Variants in GRM3 observed in about 807,000 individuals in gnomAD.
GRM3 encodes the protein metabotropic glutamate receptor 3.
GRM3 carries 26 observed loss-of-function variants against 70.5 expected under a neutral mutation model. That is an observed-to-expected ratio of 0.37 (90% CI 0.27 to 0.51). The LOEUF is 0.51. Among genes scored for constraint, GRM3 ranks in the 20% least tolerant of loss-of-function variants. The probability of loss-of-function intolerance (pLI) is 0.93; values close to 1 mark genes in which losing one functional copy is unlikely to be tolerated. For missense variants in GRM3, 859 were observed against 1,123.8 expected (o/e 0.76, Z 3.37); for synonymous variants, 443 against 434.9 (o/e 1.02, Z -0.23).
At chr7:86,803,716 G>GC (rs35092227) in intron 3 of GRM3, among the ~76,000 whole-genome samples, 1 of 152,120 alleles carries the variant, frequency 6.6e-6, no homozygotes, top group African/African-American at 2.4e-5. Context: ...TGCAGGCACA[G>GC]CCCTTTTTTC....
At chr7:86,750,666 G>A (rs920246713) in intron 1 of GRM3, among the ~76,000 whole-genome samples, 2 of 151,498 alleles carry the variant, frequency 1.3e-5, no homozygotes, top group African/African-American at 2.4e-5. Flanking sequence ...CAAGTTTAGA[G>A]CAATATCTTA....
At chr7:86,703,436 C>T (rs1268135521) in intron 1 of GRM3, among the ~76,000 whole-genome samples, 1 of 151,906 alleles carries the variant, frequency 6.6e-6, no homozygotes, top group East Asian at 1.9e-4. Context: ...AGCGCAGAAA[C>T]TGAGTAGACA....
intron 1 of GRM3, among the ~76,000 whole-genome samples, chr7:86,764,666 GA>G (rs1170623796): frequency 1.3e-5 from 2 of 151,936 alleles, no homozygotes; most frequent in Non-Finnish European, 2.9e-5. Context: ...CAAAGTAAAT[GA>G]CTCAGTAGAG....
chr7:86,734,199 T>G (rs1014943727), intron 1 of GRM3, among the ~76,000 whole-genome samples: 1 of 152,218 alleles, frequency 6.6e-6, no homozygotes, highest in African/African-American at 2.4e-5. Flanking sequence ...CTTCTACTTC[T>G]AACTGTCCAA....
At chr7:86,824,482 G>T (rs948453109) in intron 3 of GRM3, among the ~76,000 whole-genome samples, 1 of 152,142 alleles carries the variant, frequency 6.6e-6, no homozygotes, top group South Asian at 2.1e-4. Context: ...CCTGAGGGGG[G>T]TAACATATAC....
At chr7:86,741,746 T>C (rs1388301743) in intron 1 of GRM3, among the ~76,000 whole-genome samples, 1 of 152,170 alleles carries the variant, frequency 6.6e-6, no homozygotes, top group African/African-American at 2.4e-5. Flanking sequence ...ATTTTCAAAA[T>C]ATCCAGCTCT....
intron 3 of GRM3, among the ~76,000 whole-genome samples, chr7:86,789,598 A>C: frequency 6.6e-6 from 1 of 152,178 alleles, no homozygotes; most frequent in East Asian, 1.9e-4. Context: ...ATATTGTGGC[A>C]ATAAACTAGG....
chr7:86,850,614 G>A (rs1798738979), intron 5 of GRM3, 70 bp downstream of exon 5: 2 of 976,030 alleles, frequency 2.0e-6, no homozygotes, highest in Admixed American at 1.7e-5. Context: ...GCCAAGAACA[G>A]GCAACACATG....
chr7:86,685,943 A>G (rs1204834200), intron 1 of GRM3, among the ~76,000 whole-genome samples: 1 of 151,828 alleles, frequency 6.6e-6, no homozygotes, highest in Non-Finnish European at 1.5e-5. Flanking sequence ...TAACTACACC[A>G]AAGACCACTG....
intron 1 of GRM3, among the ~76,000 whole-genome samples, chr7:86,659,836 T>A (rs904345236): frequency 1.2e-4 from 19 of 152,160 alleles, no homozygotes; most frequent in Admixed American, 1.2e-3. Flanking sequence ...TCTTTTGATC[T>A]CCAGAATTTG....
chr7:86,760,874 T>C (rs1250256554), intron 1 of GRM3, among the ~76,000 whole-genome samples: 1 of 152,150 alleles, frequency 6.6e-6, no homozygotes, highest in Non-Finnish European at 1.5e-5. Context: ...GAAAAAATAT[T>C]TTACATGACA....
chr7:86,765,790 A>G (rs116759759), intron 2 of GRM3, among the ~76,000 whole-genome samples, 177 bp downstream of exon 2: 318 of 152,290 alleles, frequency 2.1e-3, no homozygotes, highest in African/African-American at 7.2e-3. Context: ...TTTTCTACCA[A>G]TGAAAATTGT....
At chr7:86,847,372 G>A (rs921358727) in intron 4 of GRM3, among the ~76,000 whole-genome samples, 8 of 152,098 alleles carry the variant, frequency 5.3e-5, no homozygotes, top group African/African-American at 1.4e-4. Flanking sequence ...GGCATTTGGT[G>A]CCACTTAAAC....
rs1469721045 is a variant in GRM3, at chr7:86,864,516, G to T, written c.*161G>T. 2 of 596,778 alleles carry T rather than the reference G, an allele frequency of 3.4e-6. No individual in the cohort carries two copies. Among genetic ancestry groups the T allele is most frequent in the Non-Finnish European group, 6.2e-6 (2 of 324,278 alleles). 37.0% of individuals were successfully genotyped at this position (596,778 alleles called of 1,614,324 possible). ...GAGGACTGTATATAGTGATGTGCTAGAACTTTCTAGGCTGAGTCTAGTGCC... is the reference window on the plus strand; with the variant it reads ...GAGGACTGTATATAGTGATGTGCTATAACTTTCTAGGCTGAGTCTAGTGCC... On this transcript the variant is annotated 3_prime_UTR_variant, in exon 6 of 6. Transcript: ENST00000361669.
chr7:86,688,520 G>T (rs1794619037), intron 1 of GRM3, among the ~76,000 whole-genome samples: 1 of 151,462 alleles, frequency 6.6e-6, no homozygotes, highest in African/African-American at 2.4e-5. Context: ...AACTAAAGGA[G>T]TCATATACAA....
At chr7:86,808,484 T>A (rs886627146) in intron 3 of GRM3, among the ~76,000 whole-genome samples, 1 of 135,698 alleles carries the variant, frequency 7.4e-6, no homozygotes. Flanking sequence ...CTTCTGTAGC[T>A]TTTTTTTTCC....
chr7:86,735,924 A>G (rs1345754211), intron 1 of GRM3, among the ~76,000 whole-genome samples: 2 of 152,212 alleles, frequency 1.3e-5, no homozygotes, highest in Non-Finnish European at 2.9e-5. Context: ...CAGCACAGGA[A>G]TTAATCACAT....
chr7:86,664,821 G>A (rs1160320045), intron 1 of GRM3, among the ~76,000 whole-genome samples: 2 of 151,932 alleles, frequency 1.3e-5, no homozygotes, highest in African/African-American at 4.8e-5. Context: ...TAAACCCAAA[G>A]TCACACATAC....
rs548432065 is a variant in GRM3, at chr7:86,749,967, A to T, written c.-140-15039A>T. ...TAGCACTTAAGTTTGCCCCTAAGCT[A>T]GTTTTACTCATCTATTTATAGCAGA... On this transcript the variant is annotated intron_variant, in intron 1 of 5. Coordinates refer to ENST00000361669, the MANE Select transcript of GRM3 (RefSeq NM_000840.3). 3.3e-5 allele frequency among the ~76,000 whole-genome samples: 5 copies of T among 152,148 alleles called. No homozygotes were observed. The South Asian group carries it at 1.0e-3, about 32-fold the overall frequency.
Sources: gnomAD v4.1 joint callset for allele counts (sites outside exome capture counted in the v4.1 genomes callset) on GRCh38, gnomAD v4.1.1 for gene constraint, MANE v1.5 for transcripts, NCBI Gene and HGNC (gene_info 2026-07-23, HGNC 2026-07-21) for gene names.